Variants in SYN3 observed in about 807,000 individuals in gnomAD.
SYN3 encodes synapsin-3.
SYN3 carries 35 observed loss-of-function variants against 65.8 expected under a neutral mutation model. The observed-to-expected ratio is 0.53, with a 90% CI of 0.41 to 0.70. The LOEUF is 0.70. SYN3 is among the 30% of genes least tolerant of loss of function. The pLI is 0.00. For synonymous variants in SYN3, 270 were observed against 292.9 expected (o/e 0.92, Z 0.80); for missense variants, 680 against 749.0 (o/e 0.91, Z 1.08).
At chr22:33,042,382 G>A (rs1013004181) in intron 1 of SYN3, among the ~76,000 whole-genome samples, 1 of 152,152 alleles carries the variant, frequency 6.6e-6, no homozygotes, top group Non-Finnish European at 1.5e-5. Flanking sequence ...AAGAAGCAAA[G>A]CCCTTTAGTC....
chr22:32,630,966 C>G (rs1300551762), intron 6 of SYN3, among the ~76,000 whole-genome samples: 1 of 152,198 alleles, frequency 6.6e-6, no homozygotes. Flanking sequence ...GATTCCAACC[C>G]TAATGCTAAC....
In SYN3 at chr22:32,832,831, G is replaced by T. The variant is rs555851036; in HGVS notation, c.711+32084C>A. Among the ~76,000 whole-genome samples, 4 of 152,134 alleles carry T rather than the reference G, an allele frequency of 2.6e-5. No homozygotes were observed. In the South Asian group the frequency reaches 6.2e-4, roughly 24 times the overall value. On this transcript the variant is annotated intron_variant, in intron 6 of 13. Transcript: ENST00000358763. The stretch of plus-strand genomic sequence containing the variant: ...CAGCCTCAACTTCCTAGGCTCAAGT[G>T]ATCCGTTTCCCTCAGCCTCCCAAGT...
chr22:32,735,443 C>T (rs545157253), intron 6 of SYN3, among the ~76,000 whole-genome samples: 9 of 152,268 alleles, frequency 5.9e-5, no homozygotes, highest in South Asian at 2.1e-4. Context: ...CACAATGTTG[C>T]GGTGGGAAGC....
At position 32,922,092 on chromosome 22, in the gene SYN3, A is replaced by C. The variant is rs921881190; in HGVS notation, c.461+9298T>G. ...AAGGTGCCATCAATAGTGGTGACTG[A>C]CTTTTCCTTGTTCCCCACCTAAAAG... On this transcript the variant is annotated intron_variant, in intron 4 of 13. Transcript: ENST00000358763. Among the ~76,000 whole-genome samples the C allele has an allele frequency of 2.0e-5, 3 of 152,228 alleles. No homozygotes were observed. In the East Asian group the frequency reaches 5.8e-4, roughly 29 times the overall value.
At chr22:32,870,918 C>T (rs1205315396) in intron 4 of SYN3, among the ~76,000 whole-genome samples, 1 of 152,172 alleles carries the variant, frequency 6.6e-6, no homozygotes, top group Admixed American at 6.5e-5. Context: ...GCCCTTTATC[C>T]ATCATGTGTG....
chr22:32,525,653 G>C (rs1297934878), intron 12 of SYN3, among the ~76,000 whole-genome samples: 1 of 151,148 alleles, frequency 6.6e-6, no homozygotes, highest in Non-Finnish European at 1.5e-5. Context: ...GGAGTTTGCA[G>C]TGAGCGGAGA....
intron 3 of SYN3, among the ~76,000 whole-genome samples, chr22:32,958,392 G>C (rs1331262328): frequency 1.3e-5 from 2 of 152,180 alleles, no homozygotes; most frequent in Admixed American, 6.5e-5. Flanking sequence ...CAAGGGTGGT[G>C]ATGACAATAA....
chr22:32,851,857 C>T (rs1047601793), intron 6 of SYN3, among the ~76,000 whole-genome samples: 14 of 152,160 alleles, frequency 9.2e-5, no homozygotes, highest in Non-Finnish European at 1.9e-4. Flanking sequence ...TATCCAGAGA[C>T]ACCACTGGAA....
chr22:32,709,090 A>C (rs1227227073), intron 6 of SYN3, among the ~76,000 whole-genome samples: 2 of 152,356 alleles, frequency 1.3e-5, no homozygotes, highest in East Asian at 3.9e-4. Flanking sequence ...CTCTGGCCAC[A>C]CTGTGGTTGG....
intron 6 of SYN3, among the ~76,000 whole-genome samples, chr22:32,676,902 G>A (rs1376718535): frequency 6.6e-6 from 1 of 152,068 alleles, no homozygotes; most frequent in African/African-American, 2.4e-5. Flanking sequence ...AGCTCTACAT[G>A]ATGTCATCAC....
chr22:32,853,200 C>T (rs911751344), intron 6 of SYN3, among the ~76,000 whole-genome samples: 1 of 152,220 alleles, frequency 6.6e-6, no homozygotes, highest in African/African-American at 2.4e-5. Flanking sequence ...GCCCGTGGTT[C>T]TTCCTGCCTT....
At chr22:33,032,003 A>G (rs1193105921) in intron 1 of SYN3, among the ~76,000 whole-genome samples, 1 of 152,066 alleles carries the variant, frequency 6.6e-6, no homozygotes, top group African/African-American at 2.4e-5. Flanking sequence ...TGAGGTCAGG[A>G]GTTCGAGACC....
At chr22:32,958,925 G>C (rs746205991) in intron 3 of SYN3, among the ~76,000 whole-genome samples, 4 of 152,102 alleles carry the variant, frequency 2.6e-5, no homozygotes, top group Admixed American at 1.3e-4. Flanking sequence ...GGGCACAGTG[G>C]CTCACCCCTA....
intron 1 of SYN3, among the ~76,000 whole-genome samples, chr22:33,030,043 G>C (rs919997720): frequency 4.6e-5 from 7 of 152,166 alleles, no homozygotes; most frequent in African/African-American, 1.4e-4. Flanking sequence ...CTTCCCTGAC[G>C]TGAGGTGGTC....
At chr22:32,901,745 G>A (rs79760192) in intron 4 of SYN3, among the ~76,000 whole-genome samples, 1,617 of 152,322 alleles carry the variant, frequency 0.011, 66 homozygotes, top group Admixed American at 0.073. Context: ...TAACTTGCCC[G>A]AGGGCACACA....
rs2045746752 is a variant in SYN3 at position 32,770,790 on chromosome 22, A to G, written c.711+94125T>C. Among the ~76,000 whole-genome samples, 2 of 151,020 alleles carry G rather than the reference A, an allele frequency of 1.3e-5. 1 individual carries two copies. The highest frequency in any genetic ancestry group is 4.2e-4 in the South Asian group (2 of 4,792). On this transcript the variant is annotated intron_variant, in intron 6 of 13. Coordinates refer to ENST00000358763, the MANE Select transcript of SYN3 (RefSeq NM_003490.4). ...TAACTATAGCAAGAGCACCCATTCT[A>G]TAAGGATGCTGGGAGGATTAAATGG... is the stretch of plus-strand genomic sequence containing the variant.
intron 8 of SYN3, among the ~76,000 whole-genome samples, chr22:32,540,298 T>G (rs973186465): frequency 2.0e-5 from 3 of 152,282 alleles, no homozygotes; most frequent in Admixed American, 2.0e-4. Context: ...TAGAGACAGG[T>G]GGCAGCTGGA....
intron 6 of SYN3, among the ~76,000 whole-genome samples, chr22:32,805,849 G>T (rs944858223): frequency 6.6e-6 from 1 of 152,076 alleles, no homozygotes; most frequent in African/African-American, 2.4e-5. Context: ...AACATTTGAA[G>T]AATGCTTTTC....
chr22:32,971,165 T>C (rs1216566717), intron 3 of SYN3, among the ~76,000 whole-genome samples: 1 of 152,240 alleles, frequency 6.6e-6, no homozygotes, highest in Non-Finnish European at 1.5e-5. Context: ...AGTTCTTAAG[T>C]TGATGAGCCT....
Sources: gnomAD v4.1 joint callset for allele counts (sites outside exome capture counted in the v4.1 genomes callset) on GRCh38, gnomAD v4.1.1 for gene constraint, MANE v1.5 for transcripts, NCBI Gene and HGNC (gene_info 2026-07-23, HGNC 2026-07-21) for gene names.